CFAP96: variants seen among roughly 807,000 people sequenced by gnomAD.
The protein encoded by CFAP96 is cilia-and flagella-associated protein 96.
the CFAP96 span, among the ~76,000 whole-genome samples, chr4:185,448,390 T>C: frequency 6.6e-6 from 1 of 152,188 alleles, no homozygotes; most frequent in Non-Finnish European, 1.5e-5. Context: ...AATAAGCTAA[T>C]ATAGATGACG....
At chr4:185,438,732 C>T in the CFAP96 span, among the ~76,000 whole-genome samples, 129,033 of 151,962 alleles carry the variant, frequency 0.85, 55,701 homozygotes, top group East Asian at 0.99. Context: ...ATGGTTTTTA[C>T]CTTTTCAGTT....
At chr4:185,426,010 T>C in the CFAP96 span, 4 of 959,978 alleles carry the variant, frequency 4.2e-6, no homozygotes, top group South Asian at 5.9e-5. Context: ...CGGCATGACG[T>C]CACGGAGCGT....
the CFAP96 span, among the ~76,000 whole-genome samples, chr4:185,444,592 T>C: frequency 1.3e-5 from 2 of 152,258 alleles, no homozygotes; most frequent in Admixed American, 1.3e-4. Flanking sequence ...TAAACTCATG[T>C]TGTGCCATAC....
the CFAP96 span, chr4:185,415,461 C>A: frequency 1.1e-6 from 1 of 941,990 alleles, no homozygotes; most frequent in Non-Finnish European, 1.5e-6. Flanking sequence ...ACCAGGTTTG[C>A]TAAAGGAAGT....
At chr4:185,413,602 T>C in the CFAP96 span, 1 of 962,220 alleles carries the variant, frequency 1.0e-6, no homozygotes, top group East Asian at 2.7e-5. Context: ...TTAACAGAGA[T>C]GGGTGATAAA....
chr4:185,420,386 T>C, the CFAP96 span, among the ~76,000 whole-genome samples: 3 of 152,342 alleles, frequency 2.0e-5, no homozygotes, highest in South Asian at 6.2e-4. Context: ...TAAGAAGATA[T>C]AGTCAAAGAA....
the CFAP96 span, among the ~76,000 whole-genome samples, chr4:185,426,995 C>T: frequency 6.7e-6 from 1 of 149,470 alleles, no homozygotes; most frequent in East Asian, 2.0e-4. Context: ...ACCCGGGAGG[C>T]GGAGGCTGCA....
At chr4:185,445,980 T>A in the CFAP96 span, among the ~76,000 whole-genome samples, 41 of 152,170 alleles carry the variant, frequency 2.7e-4, no homozygotes, top group Admixed American at 2.7e-3. Context: ...TAGCTGGGAT[T>A]ACAGGCATGC....
the CFAP96 span, among the ~76,000 whole-genome samples, chr4:185,424,067 G>A: frequency 6.6e-6 from 1 of 151,690 alleles, no homozygotes; most frequent in Non-Finnish European, 1.5e-5. Flanking sequence ...TTGGGAGGCA[G>A]AGGCAGGAGG....
At chr4:185,447,873 T>C in the CFAP96 span, among the ~76,000 whole-genome samples, 1 of 152,172 alleles carries the variant, frequency 6.6e-6, no homozygotes, top group East Asian at 1.9e-4. Flanking sequence ...CACTAATGTA[T>C]GAGATGCTAT....
the CFAP96 span, chr4:185,426,249 CGTGCA>C: frequency 8.8e-6 from 2 of 227,152 alleles, no homozygotes; most frequent in African/African-American, 2.2e-5. Flanking sequence ...TGTGGTGGAA[CGTGCA>C]GAGGCGCTGC....
the CFAP96 span, among the ~76,000 whole-genome samples, chr4:185,423,813 TACACAC>T: frequency 3.3e-5 from 5 of 150,810 alleles, no homozygotes; most frequent in African/African-American, 1.2e-4. Context: ...CATACATATA[TACACAC>T]ACACACACAC....
chr4:185,415,028 A>G, the CFAP96 span: 1 of 744,662 alleles, frequency 1.3e-6, no homozygotes, highest in Non-Finnish European at 2.1e-6. Flanking sequence ...TGTAAAATGA[A>G]TAGTCTAAAT....
chr4:185,417,007 G>T, the CFAP96 span, among the ~76,000 whole-genome samples: 1 of 152,182 alleles, frequency 6.6e-6, no homozygotes, highest in Non-Finnish European at 1.5e-5. Context: ...AGATACATAT[G>T]TAGTTTCTTC....
the CFAP96 span, among the ~76,000 whole-genome samples, chr4:185,426,786 C>T: frequency 6.7e-6 from 1 of 148,774 alleles, no homozygotes; most frequent in Non-Finnish European, 1.5e-5. Flanking sequence ...AATCCCAGCA[C>T]TTTGGGAGGC....
the CFAP96 span, among the ~76,000 whole-genome samples, chr4:185,447,292 C>T: frequency 5.3e-5 from 8 of 152,000 alleles, no homozygotes; most frequent in Admixed American, 3.9e-4. Context: ...CGCCATTCTC[C>T]TGCCTCAGCC....
chr4:185,429,378 A>G, the CFAP96 span: 2 of 1,303,038 alleles, frequency 1.5e-6, no homozygotes, highest in Non-Finnish European at 1.0e-6. Context: ...TTTTGAAGTT[A>G]GCGGTATAGA....
the CFAP96 span, among the ~76,000 whole-genome samples, chr4:185,443,915 ATCTT>A: frequency 8.2e-6 from 1 of 122,600 alleles, no homozygotes; most frequent in Non-Finnish European, 1.7e-5. Context: ...TTATAACTAT[ATCTT>A]TCTTTTTTTT....
At chr4:185,415,667 G>A in the CFAP96 span, 1 of 1,543,910 alleles carries the variant, frequency 6.5e-7, no homozygotes, top group East Asian at 2.3e-5. Flanking sequence ...TTTGGGGAAG[G>A]GCCCTCATTC....
Sources: gnomAD v4.1 joint callset for allele counts (sites outside exome capture counted in the v4.1 genomes callset) on GRCh38, gnomAD v4.1.1 for gene constraint, MANE v1.5 for transcripts, NCBI Gene and HGNC (gene_info 2026-07-23, HGNC 2026-07-21) for gene names.